PLPPR1: variants seen among roughly 807,000 people sequenced by gnomAD.
The protein encoded by PLPPR1 is phospholipid phosphatase related 1.
PLPPR1 carries 10 observed loss-of-function variants against 33.1 expected under a neutral mutation model. The ratio of observed to expected loss-of-function variants is 0.30; its 90% CI spans 0.19 to 0.51. The LOEUF (loss-of-function observed/expected upper bound fraction) is 0.51. Ranked by LOEUF, PLPPR1 falls within the 20% of genes least tolerant of loss-of-function variation. The pLI is 0.97. For missense variants in PLPPR1, 304 were observed against 408.1 expected, an observed-to-expected ratio of 0.74 and a Z score of 2.20; for synonymous variants, 151 against 151.0, an observed-to-expected ratio of 1.00 and a Z score of 0.00.
At chr9:101,157,269 G>T (rs1471079400) in intron 1 of PLPPR1, among the ~76,000 whole-genome samples, 1 of 152,152 alleles carries the variant, frequency 6.6e-6, no homozygotes, top group East Asian at 1.9e-4. Flanking sequence ...GTGATTGATT[G>T]GTCATGATCT....
intron 1 of PLPPR1, among the ~76,000 whole-genome samples, chr9:101,174,257 G>A (rs1022496521): frequency 2.6e-5 from 4 of 152,178 alleles, no homozygotes; most frequent in African/African-American, 9.6e-5. Flanking sequence ...TGGTGGGCTT[G>A]TTGTTGCCTA....
At chr9:101,094,102 T>C (rs2118537661) in intron 1 of PLPPR1, among the ~76,000 whole-genome samples, 1 of 152,276 alleles carries the variant, frequency 6.6e-6, no homozygotes, top group East Asian at 1.9e-4. Context: ...ACTCTCCGGA[T>C]ATTCTTCATA....
At chr9:101,135,481 T>TGTTTG (rs1036744144) in intron 1 of PLPPR1, among the ~76,000 whole-genome samples, 1 of 152,208 alleles carries the variant, frequency 6.6e-6, no homozygotes, top group Non-Finnish European at 1.5e-5. Context: ...AGTTTTGTTT[T>TGTTTG]GTTTGGTTTT....
chr9:101,187,670 A>G (rs1368778047), intron 2 of PLPPR1: 1 of 151,984 alleles, frequency 6.6e-6, no homozygotes, highest in Non-Finnish European at 1.5e-5. Flanking sequence ...TCCAGGTACT[A>G]TAACAAGGAT....
At chr9:101,162,492 T>C (rs1345653749) in intron 1 of PLPPR1, among the ~76,000 whole-genome samples, 3 of 152,232 alleles carry the variant, frequency 2.0e-5, no homozygotes, top group African/African-American at 7.2e-5. Context: ...TGACTGGCTT[T>C]ATTTGCTCAG....
At chr9:101,068,535 C>T (rs1300387462) in intron 1 of PLPPR1, among the ~76,000 whole-genome samples, 2 of 151,896 alleles carry the variant, frequency 1.3e-5, no homozygotes, top group East Asian at 1.9e-4. Context: ...TTTGAGATTG[C>T]TCTAATGCTG....
At chr9:101,169,453 G>GCAGT (rs1347005238) in intron 1 of PLPPR1, among the ~76,000 whole-genome samples, 4 of 152,208 alleles carry the variant, frequency 2.6e-5, no homozygotes, top group African/African-American at 9.6e-5. Context: ...TTCCTACTTA[G>GCAGT]CAGTTCTCCT....
intron 1 of PLPPR1, among the ~76,000 whole-genome samples, chr9:101,063,605 C>A (rs1382177879): frequency 1.3e-5 from 2 of 152,102 alleles, no homozygotes; most frequent in Non-Finnish European, 2.9e-5. Flanking sequence ...ACGTATTAAG[C>A]TCCATCCACC....
At chr9:101,238,827 A>G (rs1827388995) in intron 2 of PLPPR1, among the ~76,000 whole-genome samples, 1 of 151,902 alleles carries the variant, frequency 6.6e-6, no homozygotes, top group African/African-American at 2.4e-5. Flanking sequence ...ACAGAACACC[A>G]GAAGTCATTC....
At chr9:101,241,216 CAT>C (rs1827458758) in intron 2 of PLPPR1, among the ~76,000 whole-genome samples, 2 of 152,080 alleles carry the variant, frequency 1.3e-5, no homozygotes, top group South Asian at 2.1e-4. Context: ...CAAGTGGAGA[CAT>C]TGCTCATGAT....
intron 2 of PLPPR1, among the ~76,000 whole-genome samples, chr9:101,209,621 A>C (rs1326970708): frequency 1.3e-5 from 2 of 152,194 alleles, no homozygotes; most frequent in African/African-American, 4.8e-5. Flanking sequence ...TAAACCATGA[A>C]GATGAATAGG....
intron 2 of PLPPR1, among the ~76,000 whole-genome samples, chr9:101,230,793 A>G (rs532965078): frequency 7.3e-5 from 11 of 151,634 alleles, no homozygotes; most frequent in Admixed American, 1.3e-4. Flanking sequence ...AAAATAAAAA[A>G]GAATTAAAAC....
At chr9:101,237,109 C>A (rs1424480387) in intron 2 of PLPPR1, among the ~76,000 whole-genome samples, 1 of 151,660 alleles carries the variant, frequency 6.6e-6, no homozygotes, top group Non-Finnish European at 1.5e-5. Flanking sequence ...CAAATTAAAA[C>A]CACAACAAGA....
At chr9:101,301,861 G>A (rs893718225) in intron 4 of PLPPR1, among the ~76,000 whole-genome samples, 3 of 152,264 alleles carry the variant, frequency 2.0e-5, no homozygotes, top group African/African-American at 7.2e-5. Context: ...TGAAGAATTC[G>A]TATTCTGTTG....
Position 101,233,725 on chromosome 9 carries a change from T to C in PLPPR1, c.64-36155T>C, listed in dbSNP as rs1827238257. Reference sequence around the variant, plus strand: ...CTCCTTGATATTGGACTTCTCACCCTCCAGGACTGTCCATTATAAGTCTCA... The same window carrying C: ...CTCCTTGATATTGGACTTCTCACCCCCCAGGACTGTCCATTATAAGTCTCA... On this transcript the variant is annotated intron_variant, in intron 2 of 7. Coordinates refer to ENST00000374874, the MANE Select transcript of PLPPR1 (RefSeq NM_207299.2). Among the ~76,000 whole-genome samples the C allele has an allele frequency of 4.6e-5, 7 of 151,980 alleles. No individual in the cohort carries two copies. The South Asian group carries it at 1.5e-3, about 32-fold the overall frequency.
At chr9:101,265,868 C>T (rs933681255) in intron 2 of PLPPR1, among the ~76,000 whole-genome samples, 28 of 151,880 alleles carry the variant, frequency 1.8e-4, no homozygotes, top group African/African-American at 6.0e-4. Context: ...CGGTGGTGTG[C>T]GCCTGTAATC....
At chr9:101,183,704 TG>T in intron 1 of PLPPR1, among the ~76,000 whole-genome samples, 1 of 9,720 alleles carries the variant, frequency 1.0e-4, no homozygotes, top group Non-Finnish European at 4.0e-4. Context: ...TGTGTGTGTG[TG>T]TGTGTGTGTG....
intron 2 of PLPPR1, chr9:101,269,676 T>G (rs527630522): frequency 1.7e-6 from 1 of 599,756 alleles, no homozygotes; most frequent in Non-Finnish European, 3.0e-6. Context: ...TGCTCATTAT[T>G]TGCTGGAAGG....
chr9:101,053,646 G>A (rs1458378042), intron 1 of PLPPR1, among the ~76,000 whole-genome samples: 2 of 152,172 alleles, frequency 1.3e-5, no homozygotes, highest in Non-Finnish European at 2.9e-5. Context: ...GATACTGTCT[G>A]TATGTTGAAT....
Sources: allele counts gnomAD v4.1 joint callset (sites outside exome capture counted in the v4.1 genomes callset), GRCh38; gene constraint gnomAD v4.1.1; transcripts MANE v1.5; gene names NCBI Gene and HGNC (gene_info 2026-07-23, HGNC 2026-07-21).